Variants in CCDC83 observed in about 807,000 individuals in gnomAD.
CCDC83 encodes coiled-coil domain containing 83, also known as coiled-coil domain-containing protein 83.
Under a neutral mutation model 50.1 loss-of-function variants are expected in CCDC83, and 54 were observed. The ratio of observed to expected loss-of-function variants is 1.08; its 90% confidence interval spans 0.87 to 1.35. The LOEUF is 1.35. CCDC83 is among the 40% of genes most tolerant of loss of function. The probability of loss-of-function intolerance (pLI) is 0.00; values close to 1 mark genes in which losing one functional copy is unlikely to be tolerated. For missense variants in CCDC83, 518 were observed against 473.9 expected, an observed-to-expected ratio of 1.09 and a Z score of -0.86; for synonymous variants, 161 against 153.3, an observed-to-expected ratio of 1.05 and a Z score of -0.37.
At chr11:85,859,169 A>AC (rs2093160548) in intron 1 of CCDC83, among the ~76,000 whole-genome samples, 1 of 148,438 alleles carries the variant, frequency 6.7e-6, no homozygotes, top group African/African-American at 2.5e-5. Context: ...AAAAAAAAAA[A>AC]AAAAAAAAAA....
intron 7 of CCDC83, among the ~76,000 whole-genome samples, chr11:85,909,853 C>T (rs2093445050): frequency 6.6e-6 from 1 of 151,914 alleles, no homozygotes; most frequent in Admixed American, 6.6e-5. Context: ...TTTTTACAGG[C>T]CCAATTGATG....
intron 4 of CCDC83, among the ~76,000 whole-genome samples, chr11:85,885,580 C>T (rs928707658): frequency 1.9e-4 from 29 of 152,292 alleles, no homozygotes; most frequent in Middle Eastern, 6.8e-3. Flanking sequence ...AAGTTTATAT[C>T]CCTGAAATAG....
At chr11:85,911,148 G>T in intron 7 of CCDC83, 133 bp from the exon 8 acceptor site, 1 of 734,392 alleles carries the variant, frequency 1.4e-6, no homozygotes. Flanking sequence ...TCCAGCCTGG[G>T]AGACAAAAGT....
At chr11:85,911,463 GTTTT>G in intron 8 of CCDC83, 61 bp downstream of exon 8, 1 of 1,415,648 alleles carries the variant, frequency 7.1e-7, no homozygotes, top group South Asian at 1.5e-5. Flanking sequence ...GTAAAAAGTT[GTTTT>G]TTTAAAACAA....
At chr11:85,872,460 G>A (rs533825093) in intron 2 of CCDC83, among the ~76,000 whole-genome samples, 2 of 152,160 alleles carry the variant, frequency 1.3e-5, no homozygotes, top group East Asian at 3.9e-4. Flanking sequence ...ACTCCAGCCT[G>A]GGCGACAGAG....
At chr11:85,884,195 G>A (rs1206937452) in intron 4 of CCDC83, among the ~76,000 whole-genome samples, 1 of 152,166 alleles carries the variant, frequency 6.6e-6, no homozygotes, top group Non-Finnish European at 1.5e-5. Context: ...CAATAGAGGA[G>A]GACTGGACAT....
At chr11:85,901,095 A>G (rs2093399449) in intron 7 of CCDC83, among the ~76,000 whole-genome samples, 1 of 151,212 alleles carries the variant, frequency 6.6e-6, no homozygotes, top group Non-Finnish European at 1.5e-5. Flanking sequence ...GGCCAGACAC[A>G]TTGGCTCACA....
Position 85,876,705 on chromosome 11 carries a change from G to A in CCDC83, c.180+3410G>A, listed in dbSNP as rs182083336. 7.9e-5 allele frequency among the ~76,000 whole-genome samples: 12 copies of A among 152,038 alleles called. 1 individual carries two copies. The East Asian group carries it at 1.3e-3, about 17-fold the overall frequency. On this transcript the variant is annotated intron_variant, in intron 3 of 10. Transcript: ENST00000342404. ...CTTTTTGTAGAGACAGGGTTTCACC[G>A]TGTTGGCCAGGCTGGTCTCAAACTC...
chr11:85,869,631 T>G (rs886485100), intron 2 of CCDC83, among the ~76,000 whole-genome samples: 9 of 152,246 alleles, frequency 5.9e-5, no homozygotes, highest in Non-Finnish European at 5.9e-5. Context: ...TGCTTTAGAA[T>G]AGTGCCATAA....
chr11:85,908,907 C>T (rs954372155), intron 7 of CCDC83, among the ~76,000 whole-genome samples: 1 of 152,014 alleles, frequency 6.6e-6, no homozygotes, highest in Non-Finnish European at 1.5e-5. Flanking sequence ...AGAGCAAGCC[C>T]TGTCTCATGT....
intron 6 of CCDC83, among the ~76,000 whole-genome samples, chr11:85,897,875 G>A (rs1303431217): frequency 2.0e-5 from 3 of 152,006 alleles, no homozygotes; most frequent in Admixed American, 6.6e-5. Context: ...ACTTTAATAG[G>A]GCTGGGCGCG....
chr11:85,880,286 T>A (rs2093292808), intron 3 of CCDC83, among the ~76,000 whole-genome samples: 1 of 152,146 alleles, frequency 6.6e-6, no homozygotes, highest in African/African-American at 2.4e-5. Context: ...TTTTTATTTA[T>A]TTAATTAATT....
intron 6 of CCDC83, among the ~76,000 whole-genome samples, chr11:85,898,381 T>C (rs2093385032): frequency 6.6e-6 from 1 of 152,192 alleles, no homozygotes; most frequent in African/African-American, 2.4e-5. Context: ...TCTATGTAAT[T>C]GAAAATAAAT....
chr11:85,912,951 G>A (rs2093461743), intron 8 of CCDC83, among the ~76,000 whole-genome samples: 1 of 152,188 alleles, frequency 6.6e-6, no homozygotes, highest in Non-Finnish European at 1.5e-5. Context: ...GGCCAAAGGG[G>A]ACTTGGCAAG....
At chr11:85,916,313 C>T (rs2093477160) in intron 10 of CCDC83, 80 bp downstream of exon 10, 1 of 1,022,850 alleles carries the variant, frequency 9.8e-7, no homozygotes, top group Non-Finnish European at 1.5e-6. Context: ...GAAAATTAAC[C>T]TAAAATATGG....
rs964024618 is a variant in CCDC83, at chr11:85,895,222, A to G, written c.512-71A>G. On this transcript the variant is annotated intron_variant, in intron 5 of 10. Coordinates refer to ENST00000342404, the MANE Select transcript of CCDC83 (RefSeq NM_001286159.2). ...TGATATGAAGAGTAGACTGCCACAC[A>G]TAGTTTTACCTAGAATCATGCTTGA... The G allele has an allele frequency of 8.4e-6, 6 of 715,222 alleles. 1 individual carries two copies. The African/African-American group carries it at 1.1e-4, about 14-fold the overall frequency. The allele number at this position is 715,222 out of a possible 1,614,324, so 44.3% of individuals were successfully genotyped here. A position where few individuals can be genotyped will look rare whatever the true frequency, so the allele number is the denominator to read the frequency against.
At chr11:85,856,470 GA>G (rs553409751) in intron 1 of CCDC83, among the ~76,000 whole-genome samples, 68 of 152,116 alleles carry the variant, frequency 4.5e-4, no homozygotes, top group African/African-American at 1.3e-3. Flanking sequence ...GTAAGAGTGG[GA>G]AAAAAATGTA....
chr11:85,894,903 G>A (rs574239084), intron 5 of CCDC83, among the ~76,000 whole-genome samples: 1 of 152,262 alleles, frequency 6.6e-6, no homozygotes, highest in South Asian at 2.1e-4. Flanking sequence ...AAAATTTTAT[G>A]ATTCTTTGCT....
At chr11:85,903,188 G>A (rs2093409972) in intron 7 of CCDC83, among the ~76,000 whole-genome samples, 1 of 152,052 alleles carries the variant, frequency 6.6e-6, no homozygotes. Flanking sequence ...AGCTGAGAGT[G>A]CACCACTGCA....
Sources: gnomAD v4.1 joint callset for allele counts (sites outside exome capture counted in the v4.1 genomes callset) on GRCh38, gnomAD v4.1.1 for gene constraint, MANE v1.5 for transcripts, NCBI Gene and HGNC (gene_info 2026-07-23, HGNC 2026-07-21) for gene names.